PTPRF: variants seen among roughly 807,000 people sequenced by gnomAD.
The protein encoded by PTPRF is protein tyrosine phosphatase receptor type F, also known as receptor-type tyrosine-protein phosphatase F.
Under a neutral mutation model 201.8 loss-of-function variants are expected in PTPRF, and 59 were observed. That is an observed-to-expected ratio of 0.29 (90% CI 0.24 to 0.36). The LOEUF (loss-of-function observed/expected upper bound fraction) is 0.36, where lower values mean the gene tolerates loss of function less well. Ranked by LOEUF, PTPRF falls within the 10% of genes least tolerant of loss-of-function variation. PTPRF has a pLI of 1.00. For missense variants in PTPRF, 2,132 were observed against 2,690.5 expected, an observed-to-expected ratio of 0.79 and a Z score of 4.59; for synonymous variants, 1,088 against 1,089.7, an observed-to-expected ratio of 1.00 and a Z score of 0.03.
intron 5 of PTPRF, among the ~76,000 whole-genome samples, chr1:43,557,963 G>T (rs984108688): frequency 6.6e-6 from 1 of 152,102 alleles, no homozygotes. Flanking sequence ...GTGAACACCC[G>T]CCCCCTGCCC....
chr1:43,619,367 A>G lies in PTPRF; in HGVS notation c.4726A>G (p.Ile1576Val). ...ERMKHEKTVD[I>V]YGHVTCMRSQ... ...GATGAAGCACGAGAAGACGGTGGAC[A>G]TCTATGGCCACGTGACCTGCATGCG... The change falls in exon 28 of 34, where the codon ATC becomes GTC. Residue 1576 changes from isoleucine (I) to valine (V), a missense_variant. By Grantham distance (29) the Ile-to-Val change is conservative. This residue lies in a region of PTPRF where 519 missense variants were observed against 659.5 expected (regional missense o/e 0.79). Transcript: ENST00000359947. The G allele has an allele frequency of 6.2e-7, 1 of 1,614,062 alleles. No individual in the cohort carries two copies. Among genetic ancestry groups the G allele is most frequent in the Non-Finnish European group, 8.5e-7 (1 of 1,180,014 alleles).
At chr1:43,556,418 C>T (rs1231522188) in intron 5 of PTPRF, among the ~76,000 whole-genome samples, 2 of 152,170 alleles carry the variant, frequency 1.3e-5, no homozygotes, top group Admixed American at 1.3e-4. Context: ...GGTGCCACCA[C>T]GCCCAGCTAA....
At chr1:43,569,294 G>C (rs1385741513) in intron 5 of PTPRF, among the ~76,000 whole-genome samples, 1 of 143,978 alleles carries the variant, frequency 6.9e-6, no homozygotes, top group Non-Finnish European at 1.5e-5. Context: ...ATTGATTCTC[G>C]TTCTTCTCAG....
intron 3 of PTPRF, among the ~76,000 whole-genome samples, chr1:43,550,549 T>C (rs1011453384): frequency 1.3e-5 from 2 of 152,186 alleles, no homozygotes; most frequent in Admixed American, 6.5e-5. Flanking sequence ...TCTCCACCCC[T>C]GGGTGCCAGG....
In PTPRF at chr1:43,606,405, G is replaced by C. The variant is rs200603784; in HGVS notation, c.3649G>C (p.Asp1217His). Reference protein sequence around the residue: ...RGFYNRPLSPDLSYQCFVLAS... With the variant: ...RGFYNRPLSPHLSYQCFVLAS... ...CTTCTACAACCGGCCCCTGTCTCCG[G>C]ACTTGAGCTACCAGTGCTTTGTGCT... The change falls in exon 20 of 34, where the codon GAC becomes CAC. Residue 1217 changes from aspartate (D) to histidine (H), a missense_variant. Coordinates refer to ENST00000359947, the MANE Select transcript of PTPRF (RefSeq NM_002840.5). 1 of 1,614,146 alleles carries C rather than the reference G, an allele frequency of 6.2e-7. No individual in the cohort carries two copies. Among genetic ancestry groups the C allele is most frequent in the East Asian group, 2.2e-5 (1 of 44,880 alleles).
intron 21 of PTPRF, among the ~76,000 whole-genome samples, chr1:43,608,554 A>T (rs1430314460): frequency 6.6e-6 from 1 of 152,152 alleles, no homozygotes; most frequent in Non-Finnish European, 1.5e-5. Flanking sequence ...TCTGCAGAGG[A>T]TGCTTCTTCT....
chr1:43,597,884 C>T lies in PTPRF; in HGVS notation c.1950C>T (p.Asp650=), dbSNP rs774549273. 2.0e-5 allele frequency: 32 copies of T among 1,607,682 alleles called. No individual in the cohort carries two copies. The highest frequency in any genetic ancestry group is 1.7e-4 in the Admixed American group (10 of 59,256). Reference sequence around the variant, plus strand: ...ACTCCGTGGCCTACGAGGCGGTGGACGGCGAGGACCGCGGGCGGCATGTGG... The same window carrying T: ...ACTCCGTGGCCTACGAGGCGGTGGATGGCGAGGACCGCGGGCGGCATGTGG... ...TQYSVAYEAV[D]GEDRGRHVVD... The change falls in exon 12 of 34, where the codon GAC becomes GAT. Residue 650 remains aspartate, a synonymous_variant. Coordinates refer to ENST00000359947, the MANE Select transcript of PTPRF (RefSeq NM_002840.5).
Position 43,591,024 on chromosome 1 carries a change from T to A in PTPRF, c.1002T>A (p.Ser334Arg). 1 of 1,613,940 alleles carries A rather than the reference T, an allele frequency of 6.2e-7. No individual in the cohort carries two copies. Among genetic ancestry groups the A allele is most frequent in the Non-Finnish European group, 8.5e-7 (1 of 1,179,906 alleles). ...TGGTGACAGAGACAACTGCCACCAG[T>A]GTCACCCTCACCTGGGACTCTGGGA... ...DLVVTETTAT[S>R]VTLTWDSGNS... Residue 334 changes from serine (S) to arginine (R), a missense_variant, in exon 9 of 34, where the codon AGT (serine) becomes AGA (arginine). By Grantham distance (110) the Ser-to-Arg change is moderately radical. Around this residue, in one of 6 missense-constraint regions of PTPRF, gnomAD observed 351 missense variants for 401.7 expected, o/e 0.87. Coordinates refer to ENST00000359947, the MANE Select transcript of PTPRF (RefSeq NM_002840.5).
intron 26 of PTPRF, 64 bp downstream of exon 26, chr1:43,618,813 G>T: frequency 1.9e-6 from 3 of 1,567,438 alleles, no homozygotes; most frequent in Non-Finnish European, 1.7e-6. Context: ...CCTGGGTGTG[G>T]TGTGCTGGGT....
At chr1:43,543,363 G>A (rs1228763363) in intron 2 of PTPRF, among the ~76,000 whole-genome samples, 2 of 152,238 alleles carry the variant, frequency 1.3e-5, no homozygotes, top group Admixed American at 6.5e-5. Context: ...CTCTGGGATC[G>A]TGGAGCAGAT....
rs930295481 is a variant in PTPRF at position 43,591,488 on chromosome 1, T to A, written c.1466T>A (p.Leu489His). The A allele has an allele frequency of 6.2e-7, 1 of 1,600,456 alleles. No individual in the cohort carries two copies. The highest frequency in any genetic ancestry group is 8.5e-7 in the Non-Finnish European group (1 of 1,175,890). Residue 489 changes from leucine (L) to histidine (H), a missense_variant, in exon 9 of 34, where the codon CTT becomes CAT. Physicochemically the swap from Leu to His is moderately conservative, Grantham distance 99 (BLOSUM62 -3). Transcript: ENST00000359947. ...LPGITYSLRVLAFTAVGDGPP... is the reference protein window; with the variant it reads ...LPGITYSLRVHAFTAVGDGPP... ...GGCATCACCTACAGCCTGCGCGTGC[T>A]TGCCTTCACCGCCGTGGGCGATGGC...
upstream of PTPRF, among the ~76,000 whole-genome samples, chr1:43,526,553 G>A (rs967115463): frequency 5.9e-5 from 9 of 152,052 alleles, no homozygotes; most frequent in African/African-American, 7.2e-5. Flanking sequence ...TAGTTCTTGT[G>A]TCTGAGCTAA....
intron 3 of PTPRF, among the ~76,000 whole-genome samples, chr1:43,551,314 T>G (rs189268664): frequency 6.6e-6 from 1 of 152,030 alleles, no homozygotes; most frequent in Non-Finnish European, 1.5e-5. Context: ...ACACCCCCAG[T>G]GGAGCCTGAG....
In PTPRF at chr1:43,621,238, G is replaced by A. The variant is rs541935454; in HGVS notation, c.5655+6G>A. 15 of 1,613,486 alleles carry A rather than the reference G, an allele frequency of 9.3e-6. No homozygotes were observed. Among genetic ancestry groups the A allele is most frequent in the East Asian group, 6.7e-5 (3 of 44,866 alleles). ...CTGCCATGGTGCAGACAGAGGTAACGCAGACCAGGCTGCAGGGCCAGGGCC... is the reference window on the plus strand; with the variant it reads ...CTGCCATGGTGCAGACAGAGGTAACACAGACCAGGCTGCAGGGCCAGGGCC... On this transcript the variant is annotated splice_donor_region_variant and intron_variant, in intron 33 of 33. Coordinates refer to ENST00000359947, the MANE Select transcript of PTPRF (RefSeq NM_002840.5).
rs935956055 is a variant in PTPRF at position 43,537,341 on chromosome 1, C to G, written c.-125-857C>G. On this transcript the variant is annotated intron_variant, in intron 1 of 33. Transcript: ENST00000359947. This position sits in a 1 kb window ranked among gnomAD's most constrained non-coding sequence, Gnocchi z 4.8. ...TTAAAAATTATAGAGTAGAGAAAGTCAAAAATAAATATTGCTTCTGAAGCT... is the reference window on the plus strand; with the variant it reads ...TTAAAAATTATAGAGTAGAGAAAGTGAAAAATAAATATTGCTTCTGAAGCT... 6.6e-6 allele frequency among the ~76,000 whole-genome samples: 1 copy of G among 152,190 alleles called. No individual in the cohort carries two copies. Among genetic ancestry groups the G allele is most frequent in the Non-Finnish European group, 1.5e-5 (1 of 68,026 alleles).
chr1:43,573,977 C>CCTTTT (rs1646748629), intron 6 of PTPRF, among the ~76,000 whole-genome samples: 1 of 63,884 alleles, frequency 1.6e-5, no homozygotes, highest in African/African-American at 6.6e-5. Context: ...TGTGTGGGTT[C>CCTTTT]TTTTTTTTTT....
At chr1:43,601,992 GT>G in intron 13 of PTPRF, 78 bp from the exon 14 acceptor site, 1 of 1,533,408 alleles carries the variant, frequency 6.5e-7, no homozygotes, top group East Asian at 2.2e-5. Flanking sequence ...CCTGGGCAAG[GT>G]CCCTTCCAGG....
At chr1:43,575,442 C>T (rs974470577) in intron 6 of PTPRF, among the ~76,000 whole-genome samples, 1 of 152,256 alleles carries the variant, frequency 6.6e-6, no homozygotes, top group South Asian at 2.1e-4. Context: ...TGCTAGTAGC[C>T]CATGGCAAGC....
chr1:43,594,431 G>T (rs1395671740), intron 11 of PTPRF, among the ~76,000 whole-genome samples: 1 of 151,702 alleles, frequency 6.6e-6, no homozygotes, highest in Non-Finnish European at 1.5e-5. Context: ...GGCCAGTGTG[G>T]CTGCAGTAGC....
Sources: allele counts gnomAD v4.1 joint callset (sites outside exome capture counted in the v4.1 genomes callset), GRCh38; gene constraint gnomAD v4.1.1; regional missense constraint gnomAD v4.1.1; non-coding constraint Gnocchi (gnomAD v3.1); transcripts MANE v1.5; gene names NCBI Gene and HGNC (gene_info 2026-07-23, HGNC 2026-07-21).